Variants in MYOF observed in about 807,000 individuals in gnomAD.
The protein encoded by MYOF is myoferlin.
In MYOF, 244 loss-of-function variants were observed where a neutral mutation model predicts 284.2. The observed-to-expected ratio is 0.86, with a 90% CI of 0.77 to 0.95. The LOEUF (loss-of-function observed/expected upper bound fraction) is 0.95, where lower values mean the gene tolerates loss of function less well. MYOF is among the 40% of genes least tolerant of loss of function. MYOF has a pLI of 0.00. For missense variants in MYOF, 2,496 were observed against 2,560.6 expected (o/e 0.97, Z 0.54); for synonymous variants, 904 against 919.7 (o/e 0.98, Z 0.31).
At chr10:93,394,443 C>CTTTTTTTTTTT (rs1193314228) in intron 16 of MYOF, among the ~76,000 whole-genome samples, 10 of 58,860 alleles carry the variant, frequency 1.7e-4, no homozygotes, top group Non-Finnish European at 3.7e-4. Flanking sequence ...TGGTCACCAT[C>CTTTTTTTTTTT]TTGTCTTTTT....
chr10:93,457,256 C>T (rs999395504), intron 1 of MYOF, among the ~76,000 whole-genome samples: 3 of 152,184 alleles, frequency 2.0e-5, no homozygotes, highest in Non-Finnish European at 4.4e-5. Context: ...CTCTGAGATG[C>T]TGATATTGCT....
At chr10:93,310,215 A>G (rs371950939) in intron 52 of MYOF, 48 bp from the exon 53 acceptor site, 27 of 1,594,640 alleles carry the variant, frequency 1.7e-5, no homozygotes, top group Non-Finnish European at 2.1e-5. Context: ...GGAGGGATGC[A>G]TATTTTATTC....
At chr10:93,437,699 C>A (rs1849192621) in intron 3 of MYOF, among the ~76,000 whole-genome samples, 1 of 152,186 alleles carries the variant, frequency 6.6e-6, no homozygotes. Context: ...AGATGGTGAG[C>A]TTCCCACCCT....
chr10:93,398,993 A>G (rs701861), intron 13 of MYOF, among the ~76,000 whole-genome samples: 57,293 of 150,342 alleles, frequency 0.38, 12,484 homozygotes, highest in Middle Eastern at 0.6. Flanking sequence ...GGGGCATGGA[A>G]GGTGAGAAAC....
chr10:93,435,997 G>T (rs1004872997), intron 3 of MYOF, among the ~76,000 whole-genome samples: 2 of 151,204 alleles, frequency 1.3e-5, no homozygotes, highest in Non-Finnish European at 2.9e-5. Flanking sequence ...CCTAGAACAT[G>T]TTCGTGTTAG....
intron 26 of MYOF, 74 bp downstream of exon 26, chr10:93,366,318 G>T: frequency 1.4e-6 from 2 of 1,454,278 alleles, no homozygotes; most frequent in Non-Finnish European, 1.9e-6. Flanking sequence ...TGATGACGGA[G>T]ATATAATATA....
chr10:93,328,654 A>G, intron 45 of MYOF, 109 bp downstream of exon 45: 1 of 1,156,606 alleles, frequency 8.6e-7, no homozygotes, highest in East Asian at 2.4e-5. Context: ...GCACAGTCTC[A>G]TGTGGTATAA....
intron 1 of MYOF, among the ~76,000 whole-genome samples, chr10:93,459,366 G>A (rs1007579907): frequency 1.3e-5 from 2 of 152,222 alleles, no homozygotes; most frequent in African/African-American, 4.8e-5. Flanking sequence ...AATTGTAGCT[G>A]CTCCCTCTAC....
intron 2 of MYOF, among the ~76,000 whole-genome samples, chr10:93,455,735 A>G (rs2056730019): frequency 6.6e-6 from 1 of 152,152 alleles, no homozygotes; most frequent in Non-Finnish European, 1.5e-5. Context: ...TAGTTGGGAG[A>G]GAAAGGTGGG....
intron 48 of MYOF, among the ~76,000 whole-genome samples, chr10:93,320,990 G>A (rs787679): frequency 0.75 from 113,825 of 151,554 alleles, 43,392 homozygotes; most frequent in East Asian, 0.91. Context: ...TGGTCGACAC[G>A]CAGACAGAAA....
chr10:93,339,969 C>T (rs182488831), intron 39 of MYOF, among the ~76,000 whole-genome samples, 184 bp downstream of exon 39: 145 of 152,124 alleles, frequency 9.5e-4, no homozygotes, highest in Middle Eastern at 6.8e-3. Flanking sequence ...GTTCCAGCTA[C>T]GCGGGAGGCT....
At chr10:93,428,978 C>A (rs1230678811) in intron 4 of MYOF, among the ~76,000 whole-genome samples, 4 of 152,154 alleles carry the variant, frequency 2.6e-5, no homozygotes, top group Admixed American at 1.3e-4. Context: ...GGGCTTGAGG[C>A]CATTTACTTT....
chr10:93,354,666 ACT>A (rs140255016), intron 31 of MYOF, among the ~76,000 whole-genome samples: 9,383 of 119,190 alleles, frequency 0.079, 370 homozygotes, highest in Non-Finnish European at 0.099. Context: ...TCACACATTC[ACT>A]CTCTCTCTCT....
intron 42 of MYOF, 87 bp from the exon 43 acceptor site, chr10:93,333,399 C>T (rs1190324708): frequency 8.8e-7 from 1 of 1,137,676 alleles, no homozygotes; most frequent in East Asian, 2.4e-5. Flanking sequence ...CGCCTCCACA[C>T]CCACTCCCAG....
At chr10:93,360,069 G>C (rs1844996980) in intron 28 of MYOF, 91 bp from the exon 29 acceptor site, 19 of 1,467,694 alleles carry the variant, frequency 1.3e-5, no homozygotes, top group Non-Finnish European at 1.8e-5. Context: ...CACTCTCCCT[G>C]CCCTCAGATG....
chr10:93,319,989 G>A lies in MYOF; in HGVS notation c.5481C>T (p.Asn1827=). 1 of 1,614,098 alleles carries A rather than the reference G, an allele frequency of 6.2e-7. No individual in the cohort carries two copies. Among genetic ancestry groups the A allele is most frequent in the Non-Finnish European group, 8.5e-7 (1 of 1,179,978 alleles). ...VKGWIPGNEE[N]KQKTDVHYRS... ...TGTAATGGACATCTGTTTTCTGTTT[G>A]TTTTCTTCATTGCCAGGAATCCAGC... The change falls in exon 49 of 54, where the codon AAC becomes AAT. Residue 1827 remains asparagine, a synonymous_variant. Coordinates refer to ENST00000359263, the MANE Select transcript of MYOF (RefSeq NM_013451.4).
intron 51 of MYOF, among the ~76,000 whole-genome samples, chr10:93,311,904 C>T (rs544480995): frequency 2.0e-5 from 3 of 152,230 alleles, no homozygotes; most frequent in African/African-American, 4.8e-5. Flanking sequence ...TGTATTGTAA[C>T]GGAAAGCAGG....
chr10:93,435,032 C>T (rs910811287), intron 3 of MYOF, among the ~76,000 whole-genome samples: 1 of 152,058 alleles, frequency 6.6e-6, no homozygotes, highest in African/African-American at 2.4e-5. Context: ...AAAATCAAAA[C>T]GTAAAAACTA....
At chr10:93,308,584 C>CCAA (rs756173433) in intron 53 of MYOF, among the ~76,000 whole-genome samples, 1 of 94,604 alleles carries the variant, frequency 1.1e-5, no homozygotes, top group Non-Finnish European at 2.1e-5. Flanking sequence ...GACTCTGTCT[C>CCAA]AAAAAAAAAA....
Sources: gnomAD v4.1 joint callset for allele counts (sites outside exome capture counted in the v4.1 genomes callset) on GRCh38, gnomAD v4.1.1 for gene constraint, MANE v1.5 for transcripts, NCBI Gene and HGNC (gene_info 2026-07-23, HGNC 2026-07-21) for gene names.